LSAMP: variants seen among roughly 807,000 people sequenced by gnomAD.
The protein encoded by LSAMP is limbic system-associated membrane protein.
In LSAMP, 7 loss-of-function variants were observed where a neutral mutation model predicts 38.6. That is an observed-to-expected ratio of 0.18 (90% CI 0.10 to 0.34). The LOEUF is 0.34. LSAMP is among the 10% of genes least tolerant of loss of function. The pLI is 1.00. For missense variants in LSAMP, 313 were observed against 420.0 expected (o/e 0.75, Z 2.23); for synonymous variants, 154 against 166.8 (o/e 0.92, Z 0.59).
chr3:115,917,203 T>C (rs560712795), intron 3 of LSAMP, among the ~76,000 whole-genome samples: 1 of 152,346 alleles, frequency 6.6e-6, no homozygotes, highest in East Asian at 1.9e-4. Flanking sequence ...AGGTGAGGGT[T>C]GAACTAGGAC....
At chr3:115,840,836 A>T (rs1934974910) in intron 6 of LSAMP, among the ~76,000 whole-genome samples, 1 of 152,192 alleles carries the variant, frequency 6.6e-6, no homozygotes, top group Admixed American at 6.5e-5. Context: ...CTGTGCAGAA[A>T]AAAAAAACTT....
At chr3:116,336,660 G>T (rs1316799435) in intron 1 of LSAMP, among the ~76,000 whole-genome samples, 1 of 151,880 alleles carries the variant, frequency 6.6e-6, no homozygotes. Flanking sequence ...GTGAGGATGG[G>T]GAGAAATTGG....
At chr3:116,146,085 T>C (rs1709484191) in intron 1 of LSAMP, among the ~76,000 whole-genome samples, 1 of 151,880 alleles carries the variant, frequency 6.6e-6, no homozygotes, top group African/African-American at 2.4e-5. Context: ...TGGCAAACTT[T>C]AGTGTTGACT....
chr3:116,113,279 C>T (rs1267187449), intron 1 of LSAMP, among the ~76,000 whole-genome samples: 2 of 147,418 alleles, frequency 1.4e-5, no homozygotes, highest in African/African-American at 5.3e-5. Flanking sequence ...CATGTTAAGT[C>T]ATTCTCTCTC....
At chr3:115,936,182 T>C (rs1321330917) in intron 3 of LSAMP, among the ~76,000 whole-genome samples, 2 of 152,194 alleles carry the variant, frequency 1.3e-5, no homozygotes, top group Non-Finnish European at 2.9e-5. Flanking sequence ...TTAAAGTATC[T>C]CAGGTTTGCT....
chr3:116,368,546 C>G (rs1280010174), intron 1 of LSAMP, among the ~76,000 whole-genome samples: 3 of 152,118 alleles, frequency 2.0e-5, no homozygotes, highest in African/African-American at 7.2e-5. Context: ...ATTCACAAAG[C>G]TGCATGAAGA....
intron 3 of LSAMP, among the ~76,000 whole-genome samples, chr3:115,876,058 G>A (rs1430965827): frequency 6.6e-6 from 1 of 151,564 alleles, no homozygotes; most frequent in Admixed American, 6.6e-5. Context: ...CAACTATAAT[G>A]AGAGCTCTGT....
intron 1 of LSAMP, among the ~76,000 whole-genome samples, chr3:116,352,712 T>C (rs1050948853): frequency 2.6e-5 from 4 of 152,138 alleles, no homozygotes; most frequent in Non-Finnish European, 5.9e-5. Flanking sequence ...GTTTAAAGTT[T>C]TTCTTGTAAC....
chr3:116,065,601 G>A (rs1477999995), intron 2 of LSAMP, among the ~76,000 whole-genome samples: 1 of 152,110 alleles, frequency 6.6e-6, no homozygotes, highest in African/African-American at 2.4e-5. Context: ...TTATAAAATA[G>A]GGACTGTAAT....
At chr3:116,342,517 A>G (rs1446430965) in intron 1 of LSAMP, among the ~76,000 whole-genome samples, 1 of 152,076 alleles carries the variant, frequency 6.6e-6, no homozygotes, top group Non-Finnish European at 1.5e-5. Context: ...TCCACAAAGA[A>G]ATCTCTGTTC....
intron 1 of LSAMP, among the ~76,000 whole-genome samples, chr3:116,167,224 AG>A (rs1710080312): frequency 6.6e-6 from 1 of 152,112 alleles, no homozygotes; most frequent in Admixed American, 6.6e-5. Context: ...CCCAATATGT[AG>A]TCTTTTTGCC....
chr3:115,813,597 G>A (rs949116348), intron 6 of LSAMP, among the ~76,000 whole-genome samples: 5 of 152,052 alleles, frequency 3.3e-5, no homozygotes, highest in Non-Finnish European at 4.4e-5. Context: ...GCTATTTAGT[G>A]TACTTATATG....
intron 1 of LSAMP, among the ~76,000 whole-genome samples, chr3:116,105,470 A>T (rs1359690710): frequency 6.6e-6 from 1 of 150,864 alleles, no homozygotes; most frequent in Non-Finnish European, 1.5e-5. Flanking sequence ...CAGCGAAGGG[A>T]GGTAGGGGTG....
intron 2 of LSAMP, among the ~76,000 whole-genome samples, chr3:116,047,542 A>C (rs1941315732): frequency 6.6e-6 from 1 of 151,984 alleles, no homozygotes; most frequent in South Asian, 2.1e-4. Context: ...ACTATTTGCT[A>C]TTACCTGTAC....
At chr3:115,918,218 T>C (rs1937297560) in intron 3 of LSAMP, among the ~76,000 whole-genome samples, 1 of 152,218 alleles carries the variant, frequency 6.6e-6, no homozygotes. Flanking sequence ...GGGAGATTAC[T>C]AGCACATATC....
At chr3:115,857,690 C>A (rs1359526544) in intron 3 of LSAMP, among the ~76,000 whole-genome samples, 2 of 152,194 alleles carry the variant, frequency 1.3e-5, no homozygotes, top group Non-Finnish European at 2.9e-5. Flanking sequence ...CAATATTCAG[C>A]TACCAGGCTA....
chr3:116,165,706 T>TA (rs1431570740), intron 1 of LSAMP, among the ~76,000 whole-genome samples: 3 of 152,186 alleles, frequency 2.0e-5, no homozygotes, highest in African/African-American at 7.2e-5. Context: ...AGGCTAGTCT[T>TA]AATGGGTTAG....
chr3:116,201,701 T>C (rs2045989239), intron 1 of LSAMP, among the ~76,000 whole-genome samples: 1 of 152,204 alleles, frequency 6.6e-6, no homozygotes, highest in Non-Finnish European at 1.5e-5. Context: ...TAGCCACTCA[T>C]AGAACCAGCT....
intron 1 of LSAMP, among the ~76,000 whole-genome samples, chr3:116,155,402 ATT>A (rs1559762721): frequency 6.6e-6 from 1 of 151,366 alleles, no homozygotes; most frequent in Non-Finnish European, 1.5e-5. Context: ...TTTTTTTTGT[ATT>A]TTTAGTAGAG....
Sources: gnomAD v4.1 joint callset for allele counts (sites outside exome capture counted in the v4.1 genomes callset) on GRCh38, gnomAD v4.1.1 for gene constraint, MANE v1.5 for transcripts, NCBI Gene and HGNC (gene_info 2026-07-23, HGNC 2026-07-21) for gene names.